SLFN5: variants seen among roughly 807,000 people sequenced by gnomAD.
SLFN5 encodes schlafen family member 5.
In SLFN5, 34 loss-of-function variants were observed where a neutral mutation model predicts 48.5. The ratio of observed to expected loss-of-function variants is 0.70; its 90% CI spans 0.53 to 0.93. SLFN5 has a LOEUF of 0.93. SLFN5 is among the 40% of genes least tolerant of loss of function. The pLI, the probability that SLFN5 is intolerant of heterozygous loss-of-function variation, is 0.00. For missense variants in SLFN5, 1,006 were observed against 1,071.3 expected (o/e 0.94, Z 0.85); for synonymous variants, 387 against 396.2 (o/e 0.98, Z 0.28).
intron 1 of SLFN5, among the ~76,000 whole-genome samples, chr17:35,254,193 CTTATAT>C (rs1016551257): frequency 5.9e-5 from 9 of 152,036 alleles, no homozygotes; most frequent in Non-Finnish European, 8.8e-5. Context: ...GCATTATTGT[CTTATAT>C]TTGTATTTGT....
chr17:35,245,128 A>G (rs1037203845), intron 1 of SLFN5, among the ~76,000 whole-genome samples: 1 of 152,188 alleles, frequency 6.6e-6, no homozygotes, highest in Non-Finnish European at 1.5e-5. Flanking sequence ...TTTTTTCCCT[A>G]TACTTTCACT....
intron 3 of SLFN5, among the ~76,000 whole-genome samples, chr17:35,263,266 G>C (rs1190720899): frequency 2.0e-5 from 3 of 152,058 alleles, no homozygotes. Context: ...GAGTGGGTGG[G>C]ATTACAGGCA....
chr17:35,255,676 G>A (rs954797323), intron 1 of SLFN5, among the ~76,000 whole-genome samples: 1 of 152,066 alleles, frequency 6.6e-6, no homozygotes, highest in African/African-American at 2.4e-5. Context: ...ATTTCATTTT[G>A]GGATAATTTT....
At position 35,265,984 on chromosome 17, in the gene SLFN5, T is replaced by C; in HGVS notation, c.*96T>C. 3 of 1,295,658 alleles carry C rather than the reference T, an allele frequency of 2.3e-6. No homozygotes were observed. Among genetic ancestry groups the C allele is most frequent in the Non-Finnish European group, 3.1e-6 (3 of 953,412 alleles). 80.3% of individuals were successfully genotyped at this position (1,295,658 alleles called of 1,614,324 possible). On this transcript the variant is annotated 3_prime_UTR_variant, in exon 5 of 5. Coordinates refer to ENST00000299977, the MANE Select transcript of SLFN5 (RefSeq NM_144975.4). ...AACATGTAAGCACACACTCACTTATTAAGTCACATACTTTTCTAGGTGCTG... is the reference window on the plus strand; with the variant it reads ...AACATGTAAGCACACACTCACTTATCAAGTCACATACTTTTCTAGGTGCTG...
chr17:35,265,084 A>G lies in SLFN5; in HGVS notation c.1872A>G (p.Lys624=), dbSNP rs757826474. The change falls in exon 5 of 5, where the codon AAA becomes AAG. Residue 624 remains lysine, a synonymous_variant. Coordinates refer to ENST00000299977, the MANE Select transcript of SLFN5 (RefSeq NM_144975.4). ...PLKKLVSFSK[K]NICQPVTRKT... is the part of the protein sequence containing the mutation. ...CTGTTTCTTACAGTTTCAGCAAGAA[A>G]AACATCTGCCAGCCAGTGACCCGGA... is the stretch of plus-strand genomic sequence containing the variant. The G allele has an allele frequency of 6.2e-7, 1 of 1,609,038 alleles. No individual in the cohort carries two copies. The highest frequency in any genetic ancestry group is 2.2e-5 in the East Asian group (1 of 44,860).
At position 35,266,060 on chromosome 17, in the gene SLFN5, C is replaced by T; in HGVS notation, c.*172C>T. The T allele has an allele frequency of 1.5e-6, 1 of 663,114 alleles. No individual in the cohort carries two copies. Among genetic ancestry groups the T allele is most frequent in the African/African-American group, 1.8e-5 (1 of 55,082 alleles). The allele number at this position is 663,114 out of a possible 1,614,324, so 41.1% of individuals were successfully genotyped here. ...ATTCCTCCTTTAGGGCAGAGACAGA[C>T]CACTGACAAATACACAGATAGACAA... On this transcript the variant is annotated 3_prime_UTR_variant, in exon 5 of 5. Coordinates refer to ENST00000299977, the MANE Select transcript of SLFN5 (RefSeq NM_144975.4).
Position 35,266,664 on chromosome 17 carries a change from G to GT in SLFN5, c.*780dup, listed in dbSNP as rs1228757120. On this transcript the variant is annotated 3_prime_UTR_variant, in exon 5 of 5. Transcript: ENST00000299977. ...ACAGTCCCCCAGGGAGGCACACTGT[G>GT]TTTTACTGATTGATTTGAAGATGAT... 6.6e-6 allele frequency: 1 copy of GT among 152,126 alleles called. No homozygotes were observed. Among genetic ancestry groups the GT allele is most frequent in the African/African-American group, 2.4e-5 (1 of 41,420 alleles). The allele number at this position is 152,126 out of a possible 1,614,324, so 9.4% of individuals were successfully genotyped here.
chr17:35,250,765 A>G (rs1451771766), intron 1 of SLFN5, among the ~76,000 whole-genome samples: 1 of 152,238 alleles, frequency 6.6e-6, no homozygotes, highest in African/African-American at 2.4e-5. Flanking sequence ...AGAACAAGGA[A>G]GCCTGTTAAA....
rs978911550 is a variant in SLFN5, at chr17:35,264,588, C to G, written c.1544C>G (p.Pro515Arg). ...TACAGTTCGTATTTACAAATTTACC[C>G]TGAATCCTATAACTTCATGACCCCC... ...SVYSSYLQIY[P>R]ESYNFMTPQH... is the part of the protein sequence containing the mutation. The change falls in exon 4 of 5, where the codon CCT (proline) becomes CGT (arginine). Residue 515 changes from proline to arginine, a missense_variant. By Grantham distance (103) the Pro-to-Arg change is moderately radical. Coordinates refer to ENST00000299977, the MANE Select transcript of SLFN5 (RefSeq NM_144975.4). The G allele has an allele frequency of 8.7e-6, 14 of 1,614,198 alleles. No homozygotes were observed. Among genetic ancestry groups the G allele is most frequent in the Non-Finnish European group, 1.2e-5 (14 of 1,180,042 alleles).
chr17:35,244,173 C>T (rs2142679598), intron 1 of SLFN5, among the ~76,000 whole-genome samples: 1 of 152,106 alleles, frequency 6.6e-6, no homozygotes, highest in African/African-American at 2.4e-5. Context: ...AATTATATTG[C>T]TAGAAAAAGG....
chr17:35,249,410 A>T (rs1382484539), intron 1 of SLFN5, among the ~76,000 whole-genome samples: 1 of 152,208 alleles, frequency 6.6e-6, no homozygotes, highest in Non-Finnish European at 1.5e-5. Context: ...GAGGAAGGAG[A>T]AACTACCCAA....
chr17:35,252,402 G>T (rs894836998), intron 1 of SLFN5, among the ~76,000 whole-genome samples: 1 of 152,128 alleles, frequency 6.6e-6, no homozygotes, highest in African/African-American at 2.4e-5. Flanking sequence ...CAGCCTGGGT[G>T]ACAGAGTGAA....
rs1217400375 is a variant in SLFN5, at chr17:35,261,057, T to G, written c.1099T>G (p.Ser367Ala). The G allele has an allele frequency of 3.7e-6, 6 of 1,613,840 alleles. No individual in the cohort carries two copies. Among genetic ancestry groups the G allele is most frequent in the Non-Finnish European group, 5.1e-6 (6 of 1,179,844 alleles). ...CAAGCCTGTGTGCATTCATAAGAATTCGGAATGTCTGAAAGAGCAGCAGAA... is the reference window on the plus strand; with the variant it reads ...CAAGCCTGTGTGCATTCATAAGAATGCGGAATGTCTGAAAGAGCAGCAGAA... Reference protein sequence around the residue: ...RSKPVCIHKNSECLKEQQKRY... With the variant: ...RSKPVCIHKNAECLKEQQKRY... Residue 367 changes from serine (S) to alanine (A), a missense_variant, in exon 3 of 5, where the codon TCG becomes GCG. Physicochemically the swap from Ser to Ala is moderately conservative, Grantham distance 99 (BLOSUM62 1). Transcript: ENST00000299977.
chr17:35,251,056 T>C (rs966175741), intron 1 of SLFN5, among the ~76,000 whole-genome samples: 1 of 152,164 alleles, frequency 6.6e-6, no homozygotes, highest in Admixed American at 6.5e-5. Flanking sequence ...CAGTGAGGGA[T>C]TCTCTCCTTT....
intron 1 of SLFN5, among the ~76,000 whole-genome samples, chr17:35,247,143 A>G (rs1241446154): frequency 6.6e-6 from 1 of 152,180 alleles, no homozygotes; most frequent in Non-Finnish European, 1.5e-5. Context: ...TCCTGATTCC[A>G]ATTTAGGACC....
At chr17:35,256,034 TACA>T (rs548802360) in intron 1 of SLFN5, among the ~76,000 whole-genome samples, 108 of 152,368 alleles carry the variant, frequency 7.1e-4, no homozygotes, top group Non-Finnish European at 1.4e-3. Context: ...GTGTATTTTT[TACA>T]ACATTATATT....
rs199777740 is a variant in SLFN5, at chr17:35,265,810, G to A, written c.2598G>A (p.Pro866=). 33 of 1,613,986 alleles carry A rather than the reference G, an allele frequency of 2.0e-5. No individual in the cohort carries two copies. The highest frequency in any genetic ancestry group is 1.6e-4 in the Middle Eastern group (1 of 6,082). Reference sequence around the variant, plus strand: ...GAATCAATCCAGGAGTAGCCCCACCGGCTGGGGCCTACAATCTTCTGCTCT... The same window carrying A: ...GAATCAATCCAGGAGTAGCCCCACCAGCTGGGGCCTACAATCTTCTGCTCT... ...VFGINPGVAP[P]AGAYNLLLCL... The change falls in exon 5 of 5, where the codon CCG becomes CCA. Residue 866 remains proline (P), a synonymous_variant. Transcript: ENST00000299977.
intron 1 of SLFN5, among the ~76,000 whole-genome samples, chr17:35,255,649 A>G (rs1010801585): frequency 2.6e-5 from 4 of 152,132 alleles, no homozygotes; most frequent in South Asian, 2.1e-4. Context: ...AGTGCCTGGG[A>G]AAAAAAATGA....
At chr17:35,261,414 A>T (rs1319330087) in intron 3 of SLFN5, among the ~76,000 whole-genome samples, 2 of 152,152 alleles carry the variant, frequency 1.3e-5, no homozygotes, top group African/African-American at 4.8e-5. Context: ...TCATACCTGT[A>T]ATCCCAGCAC....
Sources: allele counts gnomAD v4.1 joint callset (sites outside exome capture counted in the v4.1 genomes callset), GRCh38; gene constraint gnomAD v4.1.1; transcripts MANE v1.5; gene names NCBI Gene and HGNC (gene_info 2026-07-23, HGNC 2026-07-21).